The following FRMD4A variants were observed in gnomAD, a reference collection of about 807,000 sequenced individuals.
FRMD4A encodes the protein FERM domain-containing protein 4A.
Under a neutral mutation model 129.1 loss-of-function variants are expected in FRMD4A, and 29 were observed. That is an observed-to-expected ratio of 0.22 (90% confidence interval 0.17 to 0.31). FRMD4A has a LOEUF of 0.31. Among genes scored for constraint, FRMD4A ranks in the 10% least tolerant of loss-of-function variants. FRMD4A has a pLI of 1.00. For missense variants in FRMD4A, 1,272 were observed against 1,375.8 expected (o/e 0.92, Z 1.19); for synonymous variants, 634 against 571.6 (o/e 1.11, Z -1.56).
chr10:13,832,423 A>G (rs574775009), intron 3 of FRMD4A, among the ~76,000 whole-genome samples: 1 of 152,292 alleles, frequency 6.6e-6, no homozygotes, highest in South Asian at 2.1e-4. Context: ...TGGATCTTCT[A>G]AATTAGTGAT....
chr10:13,818,628 T>C (rs2093583353), intron 3 of FRMD4A, among the ~76,000 whole-genome samples: 3 of 152,182 alleles, frequency 2.0e-5, no homozygotes, highest in Non-Finnish European at 4.4e-5. Flanking sequence ...GTCTTTCTTA[T>C]ATAATTTCAG....
chr10:13,866,442 G>A (rs2094368791), intron 2 of FRMD4A: 1 of 163,238 alleles, frequency 6.1e-6, no homozygotes, highest in Non-Finnish European at 1.3e-5. Flanking sequence ...GTGCTCCCGG[G>A]TACTGGGTCA....
intron 2 of FRMD4A, among the ~76,000 whole-genome samples, chr10:14,091,074 A>G (rs1836633743): frequency 6.6e-6 from 1 of 152,262 alleles, no homozygotes. Flanking sequence ...CAGACCTATT[A>G]TAACTGCAAG....
intron 2 of FRMD4A, among the ~76,000 whole-genome samples, chr10:14,099,691 T>C (rs923346200): frequency 2.0e-4 from 30 of 152,260 alleles, no homozygotes; most frequent in Admixed American, 5.9e-4. Context: ...ATTTACTTAA[T>C]AAATTTTCAA....
chr10:14,263,419 T>C (rs1391759069), intron 2 of FRMD4A, among the ~76,000 whole-genome samples: 1 of 152,220 alleles, frequency 6.6e-6, no homozygotes, highest in East Asian at 1.9e-4. Flanking sequence ...TCGTCTTCCT[T>C]TGTTTAGGGA....
chr10:13,770,207 T>G (rs2092416581), intron 6 of FRMD4A, among the ~76,000 whole-genome samples: 1 of 152,188 alleles, frequency 6.6e-6, no homozygotes, highest in Admixed American at 6.5e-5. Context: ...TGGTGCAGGA[T>G]GAGACTGATG....
chr10:14,322,553 C>G (rs927225717), intron 2 of FRMD4A, among the ~76,000 whole-genome samples: 6 of 152,166 alleles, frequency 3.9e-5, no homozygotes, highest in African/African-American at 1.2e-4. Context: ...GCATGATGTA[C>G]TTGGAAAGAT....
At chr10:14,261,230 C>A (rs1194828350) in intron 2 of FRMD4A, among the ~76,000 whole-genome samples, 1 of 152,134 alleles carries the variant, frequency 6.6e-6, no homozygotes, top group Non-Finnish European at 1.5e-5. Flanking sequence ...GTCAAAACAT[C>A]ATGATTAAAC....
chr10:13,648,500 A>C (rs1266669194), intron 24 of FRMD4A: 7 of 152,210 alleles, frequency 4.6e-5, no homozygotes, highest in African/African-American at 1.4e-4. Context: ...CGTGGGGGCC[A>C]GGGGACAAGG....
At chr10:14,116,335 C>A (rs1838196334) in intron 2 of FRMD4A, among the ~76,000 whole-genome samples, 1 of 152,220 alleles carries the variant, frequency 6.6e-6, no homozygotes, top group Non-Finnish European at 1.5e-5. Context: ...GCGAAGAATG[C>A]ACACTGGTGG....
At chr10:14,186,276 A>G (rs1004409150) in intron 2 of FRMD4A, among the ~76,000 whole-genome samples, 80 of 152,310 alleles carry the variant, frequency 5.3e-4, no homozygotes, top group Admixed American at 1.7e-3. Context: ...GTGATGTCAC[A>G]GTCTGAACTA....
intron 3 of FRMD4A, among the ~76,000 whole-genome samples, chr10:13,856,718 C>T (rs371221893): frequency 6.6e-6 from 1 of 152,124 alleles, no homozygotes; most frequent in African/African-American, 2.4e-5. Flanking sequence ...TTCTCTCGTT[C>T]GCCTAATTCA....
intron 2 of FRMD4A, among the ~76,000 whole-genome samples, chr10:13,984,407 T>A (rs2095573747): frequency 6.6e-6 from 1 of 152,188 alleles, no homozygotes; most frequent in Admixed American, 6.5e-5. Context: ...ATACAAACTT[T>A]ACAATTTTAA....
intron 2 of FRMD4A, among the ~76,000 whole-genome samples, chr10:14,087,004 G>A (rs542945275): frequency 1.4e-3 from 217 of 152,062 alleles, no homozygotes; most frequent in African/African-American, 4.9e-3. Context: ...CAAACATCCC[G>A]ATTTGCCCAG....
intron 2 of FRMD4A, among the ~76,000 whole-genome samples, chr10:14,314,608 G>A (rs538560082): frequency 6.6e-6 from 1 of 152,094 alleles, no homozygotes; most frequent in East Asian, 1.9e-4. Flanking sequence ...ACGATGCTTA[G>A]AGCTGCTGCA....
chr10:14,025,653 C>T (rs573388649), intron 2 of FRMD4A, among the ~76,000 whole-genome samples: 119 of 152,266 alleles, frequency 7.8e-4, no homozygotes, highest in African/African-American at 2.7e-3. Flanking sequence ...TTTTGCAAAA[C>T]GGAAACACTG....
At chr10:14,049,004 C>T (rs1834130272) in intron 2 of FRMD4A, among the ~76,000 whole-genome samples, 1 of 152,082 alleles carries the variant, frequency 6.6e-6, no homozygotes, top group African/African-American at 2.4e-5. Flanking sequence ...AAGCAGGATG[C>T]TTGGAAGGAT....
At chr10:14,146,496 T>C (rs1273706807) in intron 2 of FRMD4A, among the ~76,000 whole-genome samples, 3 of 152,206 alleles carry the variant, frequency 2.0e-5, no homozygotes, top group African/African-American at 7.2e-5. Context: ...TCTGTTCATC[T>C]TACAACTGTT....
intron 2 of FRMD4A, among the ~76,000 whole-genome samples, chr10:13,947,825 A>G (rs938436145): frequency 6.6e-6 from 1 of 152,148 alleles, no homozygotes; most frequent in African/African-American, 2.4e-5. Flanking sequence ...TCCAGAGTCA[A>G]GAAGAGTAAC....
Sources: allele counts gnomAD v4.1 joint callset (sites outside exome capture counted in the v4.1 genomes callset), GRCh38; gene constraint gnomAD v4.1.1; transcripts MANE v1.5; gene names NCBI Gene and HGNC (gene_info 2026-07-23, HGNC 2026-07-21).